The following BAIAP2L1 variants were observed in gnomAD, a reference collection of about 807,000 sequenced individuals.
BAIAP2L1 encodes BAR/IMD domain-containing adapter protein 2-like 1.
Under a neutral mutation model 66.3 loss-of-function variants are expected in BAIAP2L1, and 35 were observed. The observed-to-expected ratio is 0.53, with a 90% CI of 0.40 to 0.70. The LOEUF is 0.70. Among genes scored for constraint, BAIAP2L1 ranks in the 30% least tolerant of loss-of-function variants. BAIAP2L1 has a pLI of 0.00. For missense variants in BAIAP2L1, 622 were observed against 656.9 expected (o/e 0.95, Z 0.58); for synonymous variants, 269 against 248.7 (o/e 1.08, Z -0.77).
At chr7:98,374,135 G>C (rs905312718) in intron 1 of BAIAP2L1, among the ~76,000 whole-genome samples, 32 of 152,196 alleles carry the variant, frequency 2.1e-4, no homozygotes, top group African/African-American at 7.5e-4. Context: ...TTTTTGTAGA[G>C]ATGGGGTCTT....
intron 3 of BAIAP2L1, among the ~76,000 whole-genome samples, chr7:98,349,780 G>A (rs1375129965): frequency 2.0e-5 from 3 of 151,914 alleles, no homozygotes; most frequent in Non-Finnish European, 4.4e-5. Context: ...GAGGCCGATG[G>A]GAAGTTTTTG....
At chr7:98,294,440 G>A (rs1297660925) in intron 12 of BAIAP2L1, among the ~76,000 whole-genome samples, 1 of 152,328 alleles carries the variant, frequency 6.6e-6, no homozygotes, top group South Asian at 2.1e-4. Context: ...AGGCGGTAGC[G>A]GCCCTCCCAG....
intron 1 of BAIAP2L1, among the ~76,000 whole-genome samples, chr7:98,382,818 T>C (rs866676178): frequency 6.6e-6 from 1 of 152,180 alleles, no homozygotes; most frequent in Admixed American, 6.6e-5. Context: ...CTGAACTTCA[T>C]AGGGAATAAG....
chr7:98,364,785 G>C (rs145996390), intron 1 of BAIAP2L1, among the ~76,000 whole-genome samples: 10 of 151,426 alleles, frequency 6.6e-5, no homozygotes, highest in Admixed American at 6.6e-4. Context: ...AGGAGTTTGC[G>C]ACCAACCTGG....
intron 3 of BAIAP2L1, among the ~76,000 whole-genome samples, chr7:98,350,733 A>G (rs62478200): frequency 0.38 from 58,524 of 152,050 alleles, 12,642 homozygotes; most frequent in Middle Eastern, 0.55. Flanking sequence ...CCTACCCCAC[A>G]GCCCCTATTT....
At chr7:98,341,689 TA>T (rs1801744683) in intron 3 of BAIAP2L1, among the ~76,000 whole-genome samples, 1 of 152,120 alleles carries the variant, frequency 6.6e-6, no homozygotes, top group South Asian at 2.1e-4. Context: ...TCCTCATCTA[TA>T]AAACGGAAAT....
chr7:98,360,919 G>T (rs1192439337), intron 2 of BAIAP2L1, among the ~76,000 whole-genome samples: 1 of 152,180 alleles, frequency 6.6e-6, no homozygotes, highest in Non-Finnish European at 1.5e-5. Context: ...TACTTTTCCA[G>T]CGACTACACA....
intron 3 of BAIAP2L1, among the ~76,000 whole-genome samples, chr7:98,344,454 T>C (rs1180305733): frequency 6.6e-6 from 1 of 152,228 alleles, no homozygotes; most frequent in Non-Finnish European, 1.5e-5. Context: ...CTGAATCATC[T>C]ATCTAATAGA....
chr7:98,375,353 C>T (rs970638925), intron 1 of BAIAP2L1, among the ~76,000 whole-genome samples: 2 of 150,786 alleles, frequency 1.3e-5, no homozygotes, highest in African/African-American at 4.9e-5. Context: ...GACATCCGGC[C>T]ACTGCACTCC....
intron 3 of BAIAP2L1, among the ~76,000 whole-genome samples, chr7:98,350,302 G>A (rs567693957): frequency 4.3e-4 from 66 of 151,890 alleles, no homozygotes; most frequent in South Asian, 8.3e-4. Flanking sequence ...CGAGAAAGAT[G>A]AGCAGGGGAA....
At chr7:98,355,861 C>T (rs1049508974) in intron 2 of BAIAP2L1, among the ~76,000 whole-genome samples, 4 of 152,150 alleles carry the variant, frequency 2.6e-5, no homozygotes, top group South Asian at 4.1e-4. Context: ...GAGCCTGGTC[C>T]TTTGATGGCA....
intron 3 of BAIAP2L1, among the ~76,000 whole-genome samples, chr7:98,342,168 C>G (rs990573674): frequency 6.6e-6 from 1 of 151,170 alleles, no homozygotes; most frequent in Admixed American, 6.6e-5. Flanking sequence ...TCTCATGCCT[C>G]AGCCTCCCAA....
At chr7:98,312,319 G>A in intron 7 of BAIAP2L1, 55 bp from the exon 8 acceptor site, 2 of 1,529,966 alleles carry the variant, frequency 1.3e-6, no homozygotes, top group Non-Finnish European at 1.8e-6. Flanking sequence ...GAAGAGCTGA[G>A]AAAAATGACA....
At chr7:98,348,563 C>T (rs1489969211) in intron 3 of BAIAP2L1, among the ~76,000 whole-genome samples, 2 of 145,534 alleles carry the variant, frequency 1.4e-5, no homozygotes, top group East Asian at 4.0e-4. Flanking sequence ...TGAGACTCTG[C>T]CTCCACAAAA....
At chr7:98,298,754 G>A (rs1800295265) in intron 12 of BAIAP2L1, among the ~76,000 whole-genome samples, 1 of 152,182 alleles carries the variant, frequency 6.6e-6, no homozygotes, top group South Asian at 2.1e-4. Context: ...ATTAATCGAG[G>A]TGGACATAAA....
At chr7:98,296,245 C>A (rs546682779) in intron 12 of BAIAP2L1, among the ~76,000 whole-genome samples, 1 of 152,360 alleles carries the variant, frequency 6.6e-6, no homozygotes, top group South Asian at 2.1e-4. Flanking sequence ...GGGCCGGGAA[C>A]GTCCTGCTGG....
At chr7:98,330,573 C>T (rs1356839549) in intron 3 of BAIAP2L1, among the ~76,000 whole-genome samples, 1 of 152,160 alleles carries the variant, frequency 6.6e-6, no homozygotes, top group Non-Finnish European at 1.5e-5. Context: ...AAAAGAATCG[C>T]TTGAACCCTG....
chr7:98,396,076 AATC>A (rs1436073474), intron 1 of BAIAP2L1, among the ~76,000 whole-genome samples: 1 of 152,146 alleles, frequency 6.6e-6, no homozygotes, highest in Non-Finnish European at 1.5e-5. Flanking sequence ...GTCAAAAAAT[AATC>A]ATTTTTTCTT....
At chr7:98,336,739 T>C (rs1325103663) in intron 3 of BAIAP2L1, among the ~76,000 whole-genome samples, 1 of 152,218 alleles carries the variant, frequency 6.6e-6, no homozygotes, top group African/African-American at 2.4e-5. Flanking sequence ...AGGGTCGCCC[T>C]TAAGAAAGAG....
Sources: allele counts gnomAD v4.1 joint callset (sites outside exome capture counted in the v4.1 genomes callset), GRCh38; gene constraint gnomAD v4.1.1; transcripts MANE v1.5; gene names NCBI Gene and HGNC (gene_info 2026-07-23, HGNC 2026-07-21).